The following SGCG variants were observed in gnomAD, a reference collection of about 807,000 sequenced individuals.
The protein encoded by SGCG is sarcoglycan gamma.
A neutral mutation model predicts 29.3 loss-of-function variants in SGCG; 26 were observed. That is an observed-to-expected ratio of 0.89 (90% confidence interval 0.65 to 1.23). The LOEUF is 1.23. Ranked by LOEUF, SGCG falls within the 50% of genes most tolerant of loss-of-function variation. The probability of loss-of-function intolerance (pLI) is 0.00; values close to 1 mark genes in which losing one functional copy is unlikely to be tolerated. For missense variants in SGCG, 353 were observed against 356.0 expected (o/e 0.99, Z 0.07); for synonymous variants, 145 against 129.7 (o/e 1.12, Z -0.80).
chr13:23,286,348 A>G (rs1293134969), intron 5 of SGCG, among the ~76,000 whole-genome samples: 1 of 152,246 alleles, frequency 6.6e-6, no homozygotes, highest in Non-Finnish European at 1.5e-5. Context: ...TGGCAAAGCC[A>G]CTAACAAAAG....
intron 2 of SGCG, among the ~76,000 whole-genome samples, chr13:23,219,446 G>A (rs1186725969): frequency 1.3e-5 from 2 of 152,130 alleles, no homozygotes; most frequent in Non-Finnish European, 2.9e-5. Context: ...CAGAAAACAA[G>A]TTTTCCAGCA....
intron 3 of SGCG, chr13:23,243,623 C>A (rs116990352): frequency 1.3e-5 from 2 of 152,288 alleles, no homozygotes; most frequent in East Asian, 3.9e-4. Flanking sequence ...GATCTCACTG[C>A]TCTCACCAGA....
intron 2 of SGCG, among the ~76,000 whole-genome samples, chr13:23,224,707 C>G (rs988432572): frequency 5.7e-5 from 8 of 139,682 alleles, no homozygotes; most frequent in Non-Finnish European, 1.1e-4. Flanking sequence ...GCACTGCTAA[C>G]TAGCGAGTAC....
At chr13:23,271,303 T>C (rs1880868472) in intron 4 of SGCG, among the ~76,000 whole-genome samples, 1 of 152,206 alleles carries the variant, frequency 6.6e-6, no homozygotes, top group African/African-American at 2.4e-5. Flanking sequence ...ATTATTACTT[T>C]ATCCCACTAG....
upstream of SGCG, among the ~76,000 whole-genome samples, chr13:23,177,222 G>T (rs1179103290): frequency 1.3e-5 from 2 of 152,106 alleles, no homozygotes; most frequent in African/African-American, 4.8e-5. Context: ...AATGGGGAGG[G>T]GAAGGGGAAG....
chr13:23,255,222 C>T (rs2137576523), intron 4 of SGCG, among the ~76,000 whole-genome samples: 1 of 152,312 alleles, frequency 6.6e-6, no homozygotes, highest in Admixed American at 6.5e-5. Flanking sequence ...GGGACTGCAC[C>T]CTGTAAAGCC....
intron 1 of SGCG, among the ~76,000 whole-genome samples, chr13:23,191,968 G>A (rs551908235): frequency 6.6e-6 from 1 of 152,174 alleles, no homozygotes; most frequent in Admixed American, 6.5e-5. Flanking sequence ...GAGGTCAGGA[G>A]ATCGAGACCA....
chr13:23,182,428 C>T (rs555306742), intron 1 of SGCG, among the ~76,000 whole-genome samples: 188 of 152,218 alleles, frequency 1.2e-3, no homozygotes, highest in Middle Eastern at 3.4e-3. Flanking sequence ...CCTTCAGAAC[C>T]CACCTTGACC....
the SGCG span, among the ~76,000 whole-genome samples, chr13:23,169,260 G>A: frequency 2.6e-5 from 4 of 151,712 alleles, no homozygotes; most frequent in Non-Finnish European, 5.9e-5. Flanking sequence ...ATGACTGATG[G>A]CAGGGAGTCA....
chr13:23,232,528 CT>C (rs1329909290), intron 2 of SGCG, among the ~76,000 whole-genome samples: 1 of 152,124 alleles, frequency 6.6e-6, no homozygotes, highest in Non-Finnish European at 1.5e-5. Flanking sequence ...AATTCAGATG[CT>C]TTTAAGACAG....
chr13:23,256,906 G>A (rs770385001), intron 4 of SGCG, among the ~76,000 whole-genome samples: 18 of 152,100 alleles, frequency 1.2e-4, no homozygotes, highest in East Asian at 1.9e-4. Context: ...TAATGGGATC[G>A]CTGGGTCAAA....
chr13:23,247,160 C>A, intron 3 of SGCG: 1 of 155,968 alleles, frequency 6.4e-6, no homozygotes, highest in Non-Finnish European at 1.5e-5. Context: ...TGCAGGAGAA[C>A]ACCTGTCACC....
chr13:23,303,627 A>G (rs531493615), intron 6 of SGCG, among the ~76,000 whole-genome samples: 20 of 152,278 alleles, frequency 1.3e-4, no homozygotes, highest in Admixed American at 5.9e-4. Flanking sequence ...AATCACATAC[A>G]AGTTCCCAGG....
chr13:23,264,353 G>A (rs906045768), intron 4 of SGCG, among the ~76,000 whole-genome samples: 6 of 150,800 alleles, frequency 4.0e-5, no homozygotes, highest in East Asian at 3.9e-4. Context: ...AAAAAATACC[G>A]AGAAATATAC....
intron 5 of SGCG, among the ~76,000 whole-genome samples, chr13:23,291,655 C>CA (rs1881709540): frequency 6.6e-6 from 1 of 152,036 alleles, no homozygotes; most frequent in Non-Finnish European, 1.5e-5. Context: ...TTTATATCTC[C>CA]CTGTAAGTAC....
chr13:23,185,143 G>A (rs992282274), intron 1 of SGCG, among the ~76,000 whole-genome samples: 1 of 152,136 alleles, frequency 6.6e-6, no homozygotes, highest in African/African-American at 2.4e-5. Flanking sequence ...GGTTCTGTTT[G>A]TCAGAGTTTT....
At chr13:23,192,665 G>A (rs1409405282) in intron 1 of SGCG, among the ~76,000 whole-genome samples, 2 of 152,152 alleles carry the variant, frequency 1.3e-5, no homozygotes, top group African/African-American at 2.4e-5. Flanking sequence ...CAGAGTGCTG[G>A]GATTACAGGC....
chr13:23,278,443 CAA>C (rs35645325), intron 4 of SGCG, among the ~76,000 whole-genome samples: 109 of 129,566 alleles, frequency 8.4e-4, no homozygotes, highest in South Asian at 2.4e-3. Flanking sequence ...AACTCTGTCT[CAA>C]AAAAAAAAAA....
At chr13:23,249,027 CATTT>C (rs969814831) in intron 3 of SGCG, among the ~76,000 whole-genome samples, 4 of 147,936 alleles carry the variant, frequency 2.7e-5, no homozygotes, top group Non-Finnish European at 6.0e-5. Flanking sequence ...CCTCAATTTT[CATTT>C]ATTTATTCCA....
Sources: gnomAD v4.1 joint callset for allele counts (sites outside exome capture counted in the v4.1 genomes callset) on GRCh38, gnomAD v4.1.1 for gene constraint, MANE v1.5 for transcripts, NCBI Gene and HGNC (gene_info 2026-07-23, HGNC 2026-07-21) for gene names.